Variants in FNBP1L observed in about 807,000 individuals in gnomAD.
FNBP1L encodes the protein formin binding protein 1 like, also known as formin-binding protein 1-like.
FNBP1L carries 36 observed loss-of-function variants against 91.2 expected under a neutral mutation model. That is an observed-to-expected ratio of 0.39 (90% CI 0.30 to 0.52). The LOEUF (loss-of-function observed/expected upper bound fraction) is 0.52, where lower values mean the gene tolerates loss of function less well. Ranked by LOEUF, FNBP1L falls within the 20% of genes least tolerant of loss-of-function variation. The pLI, the probability that FNBP1L is intolerant of heterozygous loss-of-function variation, is 0.66. For synonymous variants in FNBP1L, 242 were observed against 237.0 expected, an observed-to-expected ratio of 1.02 and a Z score of -0.19; for missense variants, 571 against 732.1, an observed-to-expected ratio of 0.78 and a Z score of 2.54.
chr1:93,515,107 C>T (rs1233202880), intron 2 of FNBP1L, among the ~76,000 whole-genome samples: 10 of 152,158 alleles, frequency 6.6e-5, no homozygotes, highest in Non-Finnish European at 1.3e-4. Flanking sequence ...GGGTGAAGGA[C>T]ATTAACAGAC....
intron 2 of FNBP1L, among the ~76,000 whole-genome samples, chr1:93,500,015 C>G (rs955542463): frequency 6.6e-6 from 1 of 151,960 alleles, no homozygotes; most frequent in African/African-American, 2.4e-5. Flanking sequence ...TGTCAGTATT[C>G]AGTTACATAT....
At chr1:93,538,203 A>G (rs1671908256) in intron 10 of FNBP1L, among the ~76,000 whole-genome samples, 3 of 151,952 alleles carry the variant, frequency 2.0e-5, no homozygotes. Context: ...GGAAAAAAAA[A>G]ACTCAGGCAA....
chr1:93,554,186 C>A lies in FNBP1L; in HGVS notation c.*1770C>A, dbSNP rs1672502939. The A allele has an allele frequency of 6.6e-6, 1 of 152,570 alleles. No individual in the cohort carries two copies. Among genetic ancestry groups the A allele is most frequent in the African/African-American group, 2.4e-5 (1 of 41,406 alleles). The allele number at this position is 152,570 out of a possible 1,614,324, so 9.5% of individuals were successfully genotyped here. A position where few individuals can be genotyped will look rare whatever the true frequency, so the allele number is the denominator to read the frequency against. On this transcript the variant is annotated 3_prime_UTR_variant, in exon 17 of 17. Transcript: ENST00000271234. ...GACATTATTCAGTACTGACAGACTA[C>A]ATGAAGTAGTTTTAAAATCTAGTGC...
intron 2 of FNBP1L, among the ~76,000 whole-genome samples, chr1:93,513,146 C>T (rs1670926877): frequency 6.6e-6 from 1 of 152,152 alleles, no homozygotes; most frequent in South Asian, 2.1e-4. Context: ...AATACCTCTA[C>T]ACAAATAAAC....
intron 1 of FNBP1L, among the ~76,000 whole-genome samples, chr1:93,476,789 CA>C (rs929382448): frequency 6.6e-6 from 1 of 151,580 alleles, no homozygotes; most frequent in African/African-American, 2.4e-5. Flanking sequence ...ATGAAACAAA[CA>C]AAAAAAATCC....
At chr1:93,448,403 C>G in intron 1 of FNBP1L, 98 bp downstream of exon 1, 1 of 1,316,878 alleles carries the variant, frequency 7.6e-7, no homozygotes, top group Admixed American at 3.5e-5. Context: ...GCGCGCTCCG[C>G]CGTCCTCGGT....
chr1:93,552,560 AACTT>A lies in FNBP1L; in HGVS notation c.*145_*148del. The A allele has an allele frequency of 1.4e-6, 1 of 696,534 alleles. No individual in the cohort carries two copies. The highest frequency in any genetic ancestry group is 2.3e-6 in the Non-Finnish European group (1 of 441,792). The allele number at this position is 696,534 out of a possible 1,614,324, so 43.1% of individuals were successfully genotyped here. A position where few individuals can be genotyped will look rare whatever the true frequency, so the allele number is the denominator to read the frequency against. On this transcript the variant is annotated 3_prime_UTR_variant, in exon 17 of 17. Coordinates refer to ENST00000271234, the MANE Select transcript of FNBP1L (RefSeq NM_001164473.3). Reference sequence around the variant, plus strand: ...ATGCAGACATGATTTTTTTTTTACTAACTTCATTAGCATTTCCATACATTGTTTT... The same window carrying A: ...ATGCAGACATGATTTTTTTTTTACTACATTAGCATTTCCATACATTGTTTT...
chr1:93,510,040 C>T (rs527511011), intron 2 of FNBP1L, among the ~76,000 whole-genome samples: 12 of 152,308 alleles, frequency 7.9e-5, no homozygotes, highest in South Asian at 6.3e-4. Context: ...GGGGGAGGGG[C>T]GCCCGCCATT....
chr1:93,490,167 GTTT>G (rs11311689), intron 1 of FNBP1L, among the ~76,000 whole-genome samples: 2 of 152,060 alleles, frequency 1.3e-5, no homozygotes, highest in Non-Finnish European at 2.9e-5. Flanking sequence ...ACATAAAATA[GTTT>G]TTTTTAAATT....
At chr1:93,534,262 T>C (rs1363225560) in intron 8 of FNBP1L, among the ~76,000 whole-genome samples, 2 of 152,248 alleles carry the variant, frequency 1.3e-5, no homozygotes, top group East Asian at 3.9e-4. Context: ...TACTCTCTTT[T>C]ACAATTAGAT....
At chr1:93,506,538 AC>A (rs869121264) in intron 2 of FNBP1L, among the ~76,000 whole-genome samples, 2 of 109,456 alleles carry the variant, frequency 1.8e-5, no homozygotes, top group Non-Finnish European at 4.8e-5. Context: ...GAAAAGGGGT[AC>A]TAGTCAGTGA....
At chr1:93,531,251 G>A (rs1671668903) in intron 7 of FNBP1L, among the ~76,000 whole-genome samples, 1 of 152,172 alleles carries the variant, frequency 6.6e-6, no homozygotes, top group Admixed American at 6.5e-5. Context: ...CATCAGTCCA[G>A]ATGGCAGAAA....
intron 2 of FNBP1L, among the ~76,000 whole-genome samples, chr1:93,512,265 C>T (rs1021541593): frequency 2.0e-5 from 3 of 152,088 alleles, no homozygotes; most frequent in African/African-American, 7.2e-5. Flanking sequence ...CACCCAGATT[C>T]ATAAAGCAAG....
chr1:93,514,697 G>A (rs1275656991), intron 2 of FNBP1L, among the ~76,000 whole-genome samples: 2 of 151,896 alleles, frequency 1.3e-5, no homozygotes, highest in African/African-American at 4.8e-5. Flanking sequence ...AATGGTGCTG[G>A]GAAAACTGGC....
At position 93,533,004 on chromosome 1, in the gene FNBP1L, T is replaced by C; in HGVS notation, c.722T>C (p.Ile241Thr). ...TTTGCTGACTCAGAACGCAAAGTTA[T>C]TCCCATCATTTCAAAATGTTTGGAA... Reference protein sequence around the residue: ...RGFADSERKVIPIISKCLEGM... With the variant: ...RGFADSERKVTPIISKCLEGM... The change falls in exon 8 of 17, where the codon ATT (isoleucine) becomes ACT (threonine). Residue 241 changes from isoleucine to threonine, a missense_variant. This residue lies in a region of FNBP1L where 220 missense variants were observed against 313.6 expected (regional missense o/e 0.70). Coordinates refer to ENST00000271234, the MANE Select transcript of FNBP1L (RefSeq NM_001164473.3). 1 of 1,613,366 alleles carries C rather than the reference T, an allele frequency of 6.2e-7. No homozygotes were observed. Among genetic ancestry groups the C allele is most frequent in the Non-Finnish European group, 8.5e-7 (1 of 1,179,534 alleles).
intron 7 of FNBP1L, among the ~76,000 whole-genome samples, chr1:93,532,188 G>A (rs1033774563): frequency 6.6e-6 from 1 of 151,368 alleles, no homozygotes; most frequent in Non-Finnish European, 1.5e-5. Flanking sequence ...CTCAGACTTG[G>A]CCGGGGGCAG....
intron 16 of FNBP1L, 56 bp from the exon 17 acceptor site, chr1:93,552,337 AACTGAACACCCCTTTT>A (rs749304239): frequency 3.9e-5 from 61 of 1,550,082 alleles, no homozygotes; most frequent in Non-Finnish European, 5.2e-5. Context: ...AGGCACTTTA[AACTGAACACCCCTTTT>A]GGTTTTACCA....
At chr1:93,534,451 G>A (rs890353884) in intron 8 of FNBP1L, among the ~76,000 whole-genome samples, 3 of 152,102 alleles carry the variant, frequency 2.0e-5, no homozygotes, top group Non-Finnish European at 4.4e-5. Context: ...GGTGGTTAAA[G>A]CTACCAAGTA....
intron 1 of FNBP1L, among the ~76,000 whole-genome samples, chr1:93,449,628 A>G (rs143238834): frequency 1.8e-3 from 276 of 152,336 alleles, no homozygotes; most frequent in Non-Finnish European, 2.9e-3. Flanking sequence ...CTTGTGCAAC[A>G]TTCTGTACAA....
Sources: allele counts gnomAD v4.1 joint callset (sites outside exome capture counted in the v4.1 genomes callset), GRCh38; gene constraint gnomAD v4.1.1; regional missense constraint gnomAD v4.1.1; transcripts MANE v1.5; gene names NCBI Gene and HGNC (gene_info 2026-07-23, HGNC 2026-07-21).